MCU: variants seen among roughly 807,000 people sequenced by gnomAD.
MCU encodes the protein calcium uniporter protein, mitochondrial.
MCU carries 12 observed loss-of-function variants against 45.2 expected under a neutral mutation model. The ratio of observed to expected loss-of-function variants is 0.27; its 90% CI spans 0.17 to 0.43. MCU has a LOEUF of 0.43. MCU is among the 20% of genes least tolerant of loss of function. The pLI is 1.00. For synonymous variants in MCU, 160 were observed against 165.1 expected, an observed-to-expected ratio of 0.97 and a Z score of 0.24; for missense variants, 324 against 436.7, an observed-to-expected ratio of 0.74 and a Z score of 2.30.
At chr10:72,803,177 C>A (rs1844368485) in intron 1 of MCU, among the ~76,000 whole-genome samples, 1 of 151,840 alleles carries the variant, frequency 6.6e-6, no homozygotes, top group Admixed American at 6.6e-5. Flanking sequence ...GAGAATATAG[C>A]TCATACAGTA....
chr10:72,735,038 C>T (rs766533388), intron 1 of MCU, among the ~76,000 whole-genome samples: 28 of 149,388 alleles, frequency 1.9e-4, no homozygotes, highest in East Asian at 1.2e-3. Flanking sequence ...ATCGGGCCAC[C>T]GCAGTGCAGG....
intron 1 of MCU, among the ~76,000 whole-genome samples, chr10:72,743,237 C>T (rs569392535): frequency 5.3e-5 from 8 of 151,388 alleles, no homozygotes; most frequent in Non-Finnish European, 1.0e-4. Flanking sequence ...TGTGAAACCC[C>T]GTCTCCAGTA....
chr10:72,728,709 T>G (rs1843132184), intron 1 of MCU, among the ~76,000 whole-genome samples: 2 of 152,152 alleles, frequency 1.3e-5, no homozygotes, highest in South Asian at 4.2e-4. Context: ...TGGGGAGAAG[T>G]TTCTATTTTA....
At chr10:72,790,462 G>A (rs1314826715) in intron 1 of MCU, among the ~76,000 whole-genome samples, 2 of 152,018 alleles carry the variant, frequency 1.3e-5, no homozygotes, top group African/African-American at 2.4e-5. Context: ...TGAATGGAAT[G>A]AAATTTAGGT....
At chr10:72,825,340 C>T (rs1263924330) in intron 1 of MCU, among the ~76,000 whole-genome samples, 1 of 152,158 alleles carries the variant, frequency 6.6e-6, no homozygotes, top group Non-Finnish European at 1.5e-5. Flanking sequence ...TACCTATGTA[C>T]ATACACATGT....
At chr10:72,700,468 A>G (rs9416029) in intron 1 of MCU, among the ~76,000 whole-genome samples, 79,051 of 152,118 alleles carry the variant, frequency 0.52, 22,607 homozygotes, top group Non-Finnish European at 0.67. Flanking sequence ...TAGGTTGAAC[A>G]CAAAAGGAAA....
intron 1 of MCU, chr10:72,760,471 A>G (rs1843638740): frequency 6.6e-6 from 1 of 152,088 alleles, no homozygotes; most frequent in African/African-American, 2.4e-5. Flanking sequence ...CTTGTTTTAG[A>G]TTTATTTAAA....
chr10:72,704,841 C>T (rs1046812048), intron 1 of MCU, among the ~76,000 whole-genome samples: 1 of 151,610 alleles, frequency 6.6e-6, no homozygotes, highest in South Asian at 2.1e-4. Flanking sequence ...CTACCTCAGC[C>T]TCCCGAGTAG....
intron 1 of MCU, among the ~76,000 whole-genome samples, chr10:72,818,956 C>T (rs893872421): frequency 6.6e-6 from 1 of 152,116 alleles, no homozygotes. Context: ...TCTTAATCCT[C>T]CTTTTTTAGA....
intron 1 of MCU, among the ~76,000 whole-genome samples, chr10:72,805,127 CTTTCT>C (rs1270297285): frequency 7.4e-6 from 1 of 134,988 alleles, no homozygotes; most frequent in Admixed American, 7.5e-5. Flanking sequence ...TTCTTTCTTT[CTTTCT>C]TTCTTTCTTT....
At chr10:72,705,716 G>A (rs1479037033) in intron 1 of MCU, among the ~76,000 whole-genome samples, 1 of 152,170 alleles carries the variant, frequency 6.6e-6, no homozygotes, top group Non-Finnish European at 1.5e-5. Flanking sequence ...TACTTGGGGG[G>A]CTGAGGCAGG....
At position 72,766,585 on chromosome 10, in the gene MCU, C is replaced by T. The variant is rs149938602; in HGVS notation, c.151-67774C>T. On this transcript the variant is annotated intron_variant, in intron 1 of 7. Coordinates refer to ENST00000373053, the MANE Select transcript of MCU (RefSeq NM_138357.3). ...TAACTAAAAAAAATTCCTTTCTCAT[C>T]TGTACTTTAGGAGATTGCAGAATCT... The T allele has an allele frequency of 8.4e-4, 128 of 152,248 alleles. 1 individual carries two copies. Among genetic ancestry groups the T allele is most frequent in the African/African-American group, 2.9e-3 (119 of 41,552 alleles). The allele number at this position is 152,248 out of a possible 1,614,324, so 9.4% of individuals were successfully genotyped here.
At chr10:72,713,947 T>TTGTGTGTGTGTGTGTGTGTG (rs72292523) in intron 1 of MCU, among the ~76,000 whole-genome samples, 1 of 139,016 alleles carries the variant, frequency 7.2e-6, no homozygotes, top group African/African-American at 2.7e-5. Context: ...CTTTCATCAT[T>TTGTGTGTGTGTGTGTGTGTG]TGTGTGTGTG....
chr10:72,836,939 T>C (rs1232670434), intron 2 of MCU, among the ~76,000 whole-genome samples: 1 of 152,204 alleles, frequency 6.6e-6, no homozygotes, highest in Non-Finnish European at 1.5e-5. Flanking sequence ...CTGCTCTTTG[T>C]TGTGACTGTT....
At chr10:72,819,354 T>A (rs1844674396) in intron 1 of MCU, among the ~76,000 whole-genome samples, 1 of 152,184 alleles carries the variant, frequency 6.6e-6, no homozygotes. Context: ...ACACAACTTG[T>A]TAGCCCTTTC....
At chr10:72,863,095 G>A (rs376733950) in intron 4 of MCU, among the ~76,000 whole-genome samples, 10 of 151,936 alleles carry the variant, frequency 6.6e-5, no homozygotes, top group Admixed American at 2.0e-4. Flanking sequence ...ACTATGCCCC[G>A]TTCTTTTCCA....
chr10:72,695,434 C>T (rs1289926143), intron 1 of MCU, among the ~76,000 whole-genome samples: 1 of 152,162 alleles, frequency 6.6e-6, no homozygotes, highest in South Asian at 2.1e-4. Flanking sequence ...CAGATTCATC[C>T]CAGCACAAAT....
chr10:72,715,791 T>TGCCTATATA (rs1414508902), intron 1 of MCU: 1 of 848,368 alleles, frequency 1.2e-6, no homozygotes, highest in Non-Finnish European at 1.4e-6. Context: ...CTATATAAAT[T>TGCCTATATA]AACACATCCC....
In MCU at chr10:72,719,504, A is replaced by G. The variant is rs140028709; in HGVS notation, c.150+27203A>G. On this transcript the variant is annotated intron_variant, in intron 1 of 7. Coordinates refer to ENST00000373053, the MANE Select transcript of MCU (RefSeq NM_138357.3). ...AAATAGTTGTGCATTTGGAATATTC[A>G]TGTGTTTACGAGTGCTGGTATGTGT... 5.5e-4 allele frequency among the ~76,000 whole-genome samples: 83 copies of G among 152,282 alleles called. No homozygotes were observed. In the East Asian group the frequency reaches 0.011, roughly 21 times the overall value.
Sources: allele counts gnomAD v4.1 joint callset (sites outside exome capture counted in the v4.1 genomes callset), GRCh38; gene constraint gnomAD v4.1.1; transcripts MANE v1.5; gene names NCBI Gene and HGNC (gene_info 2026-07-23, HGNC 2026-07-21).